The following TSPAN18 variants were observed in gnomAD, a reference collection of about 807,000 sequenced individuals.
The protein encoded by TSPAN18 is tetraspanin 18.
In TSPAN18, 14 loss-of-function variants were observed where a neutral mutation model predicts 27.3. That is an observed-to-expected ratio of 0.51 (90% confidence interval 0.34 to 0.80). TSPAN18 has a LOEUF of 0.80. Ranked by LOEUF, TSPAN18 falls within the 30% of genes least tolerant of loss-of-function variation. The pLI is 0.01. For synonymous variants in TSPAN18, 143 were observed against 136.5 expected, an observed-to-expected ratio of 1.05 and a Z score of -0.33; for missense variants, 268 against 323.9, an observed-to-expected ratio of 0.83 and a Z score of 1.32.
chr11:44,792,239 G>T (rs182002097), intron 2 of TSPAN18, among the ~76,000 whole-genome samples: 22 of 152,166 alleles, frequency 1.4e-4, no homozygotes, highest in African/African-American at 5.3e-4. Flanking sequence ...TTTTGGTGCA[G>T]GTCAGGGACA....
At position 44,727,046 on chromosome 11, in the gene TSPAN18, GAGCCCC is replaced by G. The variant is rs1261627005; in HGVS notation, c.-474_-469del. The G allele has an allele frequency of 1.3e-4, 19 of 142,990 alleles. No homozygotes were observed. Among genetic ancestry groups the G allele is most frequent in the African/African-American group, 4.8e-4 (19 of 39,604 alleles). 8.9% of individuals were successfully genotyped at this position (142,990 alleles called of 1,614,324 possible). ...ACCGCGGAGCCGCGCGAGGCCGCCC[GAGCCCC>G]AGCCCCGGCCCCGGCCCCAGCCCCG... On this transcript the variant is annotated 5_prime_UTR_variant, in exon 1 of 10. Transcript: ENST00000520358.
chr11:44,830,004 T>C (rs538587939), intron 2 of TSPAN18, among the ~76,000 whole-genome samples: 224 of 152,338 alleles, frequency 1.5e-3, no homozygotes, highest in African/African-American at 5.1e-3. Context: ...AAATTCCCGC[T>C]CCTTCTGTGG....
At chr11:44,796,596 A>G (rs1465132210) in intron 2 of TSPAN18, among the ~76,000 whole-genome samples, 1 of 152,150 alleles carries the variant, frequency 6.6e-6, no homozygotes, top group Non-Finnish European at 1.5e-5. Flanking sequence ...AGCATGTCAA[A>G]GTAGGGAGAA....
chr11:44,727,902 C>T (rs537667678), intron 1 of TSPAN18, among the ~76,000 whole-genome samples: 131 of 150,102 alleles, frequency 8.7e-4, no homozygotes, highest in African/African-American at 3.0e-3. Flanking sequence ...GTGGGAGGCT[C>T]GGGCACGTCC....
At position 44,932,325 on chromosome 11, in the gene TSPAN18, A is replaced by C. The variant is rs1018185401; in HGVS notation, c.*3147A>C. 4 of 152,244 alleles carry C rather than the reference A, an allele frequency of 2.6e-5. No homozygotes were observed. The highest frequency in any genetic ancestry group is 5.9e-5 in the Non-Finnish European group (4 of 68,038). The allele number at this position is 152,244 out of a possible 1,614,324, so 9.4% of individuals were successfully genotyped here. The stretch of plus-strand genomic sequence containing the variant: ...ATGATATATCCAGAGGAAGTTTTGT[A>C]ATATAAAACAGGACGCCCACACTGA... On this transcript the variant is annotated 3_prime_UTR_variant, in exon 10 of 10. Coordinates refer to ENST00000520358, the MANE Select transcript of TSPAN18 (RefSeq NM_130783.5).
intron 1 of TSPAN18, among the ~76,000 whole-genome samples, chr11:44,761,635 A>T (rs1049172260): frequency 1.3e-5 from 2 of 152,184 alleles, no homozygotes; most frequent in Admixed American, 6.5e-5. Context: ...TTTGTTATTG[A>T]CAGGCGCTGC....
intron 8 of TSPAN18, among the ~76,000 whole-genome samples, chr11:44,924,054 T>C (rs1228611670): frequency 6.6e-6 from 1 of 151,950 alleles, no homozygotes; most frequent in Non-Finnish European, 1.5e-5. Context: ...GTCAATTTCA[T>C]GCTCTGGAAG....
intron 2 of TSPAN18, among the ~76,000 whole-genome samples, chr11:44,792,818 G>T (rs537422813): frequency 6.6e-6 from 1 of 152,324 alleles, no homozygotes; most frequent in South Asian, 2.1e-4. Flanking sequence ...AAGGCCAAGA[G>T]GTGGGAGAGA....
chr11:44,908,808 AAAGAAAG>A (rs1401526856), intron 4 of TSPAN18, among the ~76,000 whole-genome samples: 2 of 144,454 alleles, frequency 1.4e-5, no homozygotes, highest in South Asian at 4.5e-4. Flanking sequence ...AGAAAGAAAG[AAAGAAAG>A]AAAGAAAGAA....
intron 9 of TSPAN18, among the ~76,000 whole-genome samples, chr11:44,928,388 T>A (rs555231702): frequency 1.3e-5 from 2 of 152,328 alleles, no homozygotes; most frequent in Admixed American, 1.3e-4. Flanking sequence ...GCAGGGGTTG[T>A]AAGCATGGGC....
At chr11:44,854,266 T>C (rs1171607419) in intron 2 of TSPAN18, among the ~76,000 whole-genome samples, 1 of 150,172 alleles carries the variant, frequency 6.7e-6, no homozygotes, top group Non-Finnish European at 1.5e-5. Context: ...GTTAGAGACC[T>C]CTCCCTCCCC....
intron 2 of TSPAN18, among the ~76,000 whole-genome samples, chr11:44,841,290 G>A (rs767904519): frequency 3.9e-5 from 6 of 152,214 alleles, no homozygotes; most frequent in Non-Finnish European, 8.8e-5. Flanking sequence ...GCTGAGGCAG[G>A]TGGATCACTT....
intron 3 of TSPAN18, among the ~76,000 whole-genome samples, chr11:44,889,918 G>C (rs1435342019): frequency 3.3e-5 from 5 of 152,202 alleles, no homozygotes; most frequent in Non-Finnish European, 5.9e-5. Context: ...AAGCTCCCAG[G>C]GGCTTTTCCG....
intron 1 of TSPAN18, among the ~76,000 whole-genome samples, chr11:44,733,963 G>T (rs1854726477): frequency 6.6e-6 from 1 of 152,140 alleles, no homozygotes; most frequent in Non-Finnish European, 1.5e-5. Context: ...TGTGGGGGTG[G>T]TGTTTGGGTC....
At chr11:44,890,773 A>T (rs1307479738) in intron 3 of TSPAN18, among the ~76,000 whole-genome samples, 4 of 151,558 alleles carry the variant, frequency 2.6e-5, no homozygotes, top group Admixed American at 1.3e-4. Flanking sequence ...ATTTGCTGGG[A>T]ATTTCTTAAA....
At chr11:44,738,992 T>C (rs1406561337) in intron 1 of TSPAN18, among the ~76,000 whole-genome samples, 1 of 152,168 alleles carries the variant, frequency 6.6e-6, no homozygotes, top group Non-Finnish European at 1.5e-5. Flanking sequence ...TCCTGGCTCT[T>C]CTCCTCTGCA....
intron 3 of TSPAN18, among the ~76,000 whole-genome samples, chr11:44,881,623 C>T (rs551880543): frequency 1.3e-5 from 2 of 152,308 alleles, no homozygotes; most frequent in South Asian, 2.1e-4. Flanking sequence ...CCACCTGTAG[C>T]CCAGCAATGC....
chr11:44,925,045 A>G (rs1282315645), intron 8 of TSPAN18, among the ~76,000 whole-genome samples: 1 of 152,216 alleles, frequency 6.6e-6, no homozygotes, highest in Non-Finnish European at 1.5e-5. Flanking sequence ...CTGGGGTAGG[A>G]ACCCCTGGGT....
chr11:44,798,830 A>C (rs533767986), intron 2 of TSPAN18, among the ~76,000 whole-genome samples: 19 of 152,276 alleles, frequency 1.2e-4, no homozygotes, highest in Admixed American at 5.2e-4. Context: ...GGATATGAAG[A>C]TAGATAAAGG....
Sources: gnomAD v4.1 joint callset for allele counts (sites outside exome capture counted in the v4.1 genomes callset) on GRCh38, gnomAD v4.1.1 for gene constraint, MANE v1.5 for transcripts, NCBI Gene and HGNC (gene_info 2026-07-23, HGNC 2026-07-21) for gene names.